Variants in ZFHX3 observed in about 807,000 individuals in gnomAD.
ZFHX3 encodes zinc finger homeobox protein 3.
In ZFHX3, 42 loss-of-function variants were observed where a neutral mutation model predicts 279.1. The ratio of observed to expected loss-of-function variants is 0.15; its 90% CI spans 0.12 to 0.19. The LOEUF (loss-of-function observed/expected upper bound fraction) is 0.19, where lower values mean the gene tolerates loss of function less well. Ranked by LOEUF, ZFHX3 falls within the 10% of genes least tolerant of loss-of-function variation. The pLI, the probability that ZFHX3 is intolerant of heterozygous loss-of-function variation, is 1.00. For synonymous variants in ZFHX3, 2,293 were observed against 1,957.8 expected (o/e 1.17, Z -4.52); for missense variants, 4,981 against 4,754.0 (o/e 1.05, Z -1.40).
In ZFHX3 at chr16:73,878,657, G is replaced by C. The variant is rs57752958; in HGVS notation, c.-1608+12994C>G. On this transcript the variant is annotated intron_variant, in intron 1 of 17. Transcript: ENST00000641206. The stretch of plus-strand genomic sequence containing the variant: ...TTCTTTTTCTTAAGTCAAATCTTTT[G>C]AGAGTTACAGGTAACTAGCGAAAAC... Among the ~76,000 whole-genome samples the C allele has an allele frequency of 9.1e-3, 1,368 of 150,170 alleles. 22 individuals are homozygous for C. The highest frequency in any genetic ancestry group is 0.032 in the African/African-American group (1,322 of 40,838).
At chr16:72,846,463 A>C (rs895513893) in intron 4 of ZFHX3, among the ~76,000 whole-genome samples, 4 of 138 alleles carry the variant, frequency 0.029, no homozygotes, top group Non-Finnish European at 0.061. Flanking sequence ...CTTGCTACCC[A>C]CTGCAGGCCA....
At chr16:73,066,822 G>C (rs140836419) in intron 8 of ZFHX3, among the ~76,000 whole-genome samples, 2 of 152,144 alleles carry the variant, frequency 1.3e-5, no homozygotes, top group Non-Finnish European at 2.9e-5. Context: ...TCTTTCCGCC[G>C]TTCTCGCCGG....
At chr16:72,930,776 G>A (rs942003898) in intron 3 of ZFHX3, among the ~76,000 whole-genome samples, 64 of 152,110 alleles carry the variant, frequency 4.2e-4, no homozygotes, top group African/African-American at 1.5e-3. Flanking sequence ...TTACGGTTCT[G>A]GTAAGAATAA....
intron 2 of ZFHX3, among the ~76,000 whole-genome samples, chr16:73,525,911 C>A (rs1051276290): frequency 6.6e-6 from 1 of 152,094 alleles, no homozygotes; most frequent in Non-Finnish European, 1.5e-5. Flanking sequence ...CAGGTGAGAG[C>A]CAGACACACG....
chr16:73,859,815 A>G (rs1961833434), intron 1 of ZFHX3, among the ~76,000 whole-genome samples: 1 of 152,186 alleles, frequency 6.6e-6, no homozygotes, highest in Non-Finnish European at 1.5e-5. Flanking sequence ...TGTCAGCAAG[A>G]CGTACTTGGG....
intron 5 of ZFHX3, among the ~76,000 whole-genome samples, chr16:73,159,195 A>G (rs1967167481): frequency 6.6e-6 from 1 of 152,264 alleles, no homozygotes; most frequent in African/African-American, 2.4e-5. Flanking sequence ...CAAAGATCTA[A>G]TATCCAGCAT....
intron 1 of ZFHX3, among the ~76,000 whole-genome samples, chr16:73,687,310 T>A (rs1293964669): frequency 2.7e-5 from 4 of 150,496 alleles, no homozygotes; most frequent in Non-Finnish European, 5.9e-5. Context: ...AAGGATCACT[T>A]GAGCTTGGGA....
rs1344358350 is a variant in ZFHX3 at position 72,950,711 on chromosome 16, T to A, written c.2974A>T (p.Asn992Tyr). 6.2e-7 allele frequency: 1 copy of A among 1,614,206 alleles called. No homozygotes were observed. Among genetic ancestry groups the A allele is most frequent in the Admixed American group, 1.7e-5 (1 of 60,030 alleles). The change falls in exon 3 of 10, where the codon AAC (asparagine) becomes TAC (tyrosine). Residue 992 changes from asparagine to tyrosine, a missense_variant. Asn to Tyr is a moderately radical substitution (Grantham distance 143, BLOSUM62 -2). Transcript: ENST00000268489. ...DSYQCKLCRY[N>Y]TQLKANFQLH... is the part of the protein sequence containing the mutation. Reference sequence around the variant, plus strand: ...TGGAAGTTGGCCTTGAGCTGGGTGTTGTAGCGGCAGAGCTTGCACTGGTAT... The same window carrying A: ...TGGAAGTTGGCCTTGAGCTGGGTGTAGTAGCGGCAGAGCTTGCACTGGTAT...
chr16:72,969,681 G>A (rs1201054532), intron 1 of ZFHX3, among the ~76,000 whole-genome samples: 1 of 152,152 alleles, frequency 6.6e-6, no homozygotes, highest in East Asian at 1.9e-4. Flanking sequence ...CCAAGAGAAG[G>A]TGAAACCTCC....
intron 3 of ZFHX3, among the ~76,000 whole-genome samples, chr16:73,435,851 C>G (rs999207054): frequency 3.3e-5 from 5 of 152,174 alleles, no homozygotes; most frequent in African/African-American, 9.7e-5. Context: ...GCTGCTGAAG[C>G]CTGGGCGGCC....
chr16:73,821,473 A>C (rs1289703161), intron 1 of ZFHX3, among the ~76,000 whole-genome samples: 2 of 152,204 alleles, frequency 1.3e-5, no homozygotes, highest in African/African-American at 2.4e-5. Context: ...GGGTGGCCTT[A>C]AGCAAACCAC....
At chr16:72,813,454 C>T (rs888967930) in intron 5 of ZFHX3, among the ~76,000 whole-genome samples, 3 of 152,086 alleles carry the variant, frequency 2.0e-5, no homozygotes, top group Non-Finnish European at 4.4e-5. Flanking sequence ...CATAAGGCCA[C>T]AATATAATTT....
intron 3 of ZFHX3, among the ~76,000 whole-genome samples, chr16:73,358,099 T>C (rs572131106): frequency 6.6e-6 from 1 of 152,334 alleles, no homozygotes; most frequent in Non-Finnish European, 1.5e-5. Flanking sequence ...CTAACTCTTC[T>C]GTATCTGTCA....
chr16:73,635,528 G>C (rs2052519896), intron 2 of ZFHX3, among the ~76,000 whole-genome samples: 1 of 152,164 alleles, frequency 6.6e-6, no homozygotes, highest in South Asian at 2.1e-4. Flanking sequence ...GTAATGGTGG[G>C]TTGGAAGTGA....
intron 3 of ZFHX3, among the ~76,000 whole-genome samples, chr16:73,424,560 C>T (rs35614540): frequency 0.068 from 10,330 of 151,868 alleles, 440 homozygotes; most frequent in South Asian, 0.15. Context: ...GCCTGGGCAA[C>T]GTAGCAAGAC....
intron 1 of ZFHX3, chr16:73,005,968 T>C (rs1963689845): frequency 6.6e-6 from 1 of 152,232 alleles, no homozygotes; most frequent in Non-Finnish European, 1.5e-5. Context: ...TCCCAGTATA[T>C]GAGAAAGCTA....
At chr16:73,240,023 G>A (rs1346501993) in intron 5 of ZFHX3, among the ~76,000 whole-genome samples, 2 of 102,646 alleles carry the variant, frequency 1.9e-5, no homozygotes, top group East Asian at 6.3e-4. Context: ...ACCTTATTTT[G>A]TGTGTGTGTG....
At chr16:73,132,080 G>A (rs1966694812) in intron 6 of ZFHX3, among the ~76,000 whole-genome samples, 1 of 152,096 alleles carries the variant, frequency 6.6e-6, no homozygotes, top group African/African-American at 2.4e-5. Context: ...GAGGCCAGGA[G>A]TTCAAGACCA....
intron 3 of ZFHX3, among the ~76,000 whole-genome samples, chr16:72,903,381 A>T (rs2039088017): frequency 6.6e-6 from 1 of 152,184 alleles, no homozygotes; most frequent in Non-Finnish European, 1.5e-5. Flanking sequence ...TGTGGCTTTT[A>T]ACAAGCCCTC....
Sources: gnomAD v4.1 joint callset for allele counts (sites outside exome capture counted in the v4.1 genomes callset) on GRCh38, gnomAD v4.1.1 for gene constraint, MANE v1.5 for transcripts, NCBI Gene and HGNC (gene_info 2026-07-23, HGNC 2026-07-21) for gene names.